DNMT1: variants seen among roughly 807,000 people sequenced by gnomAD.
The protein encoded by DNMT1 is DNA (cytosine-5)-methyltransferase 1.
A neutral mutation model predicts 205.3 loss-of-function variants in DNMT1; 24 were observed. The ratio of observed to expected loss-of-function variants is 0.12; its 90% confidence interval spans 0.08 to 0.16. The LOEUF (loss-of-function observed/expected upper bound fraction) is 0.16, where lower values mean the gene tolerates loss of function less well. Ranked by LOEUF, DNMT1 falls within the 10% of genes least tolerant of loss-of-function variation. DNMT1 has a pLI of 1.00. For missense variants in DNMT1, 1,293 were observed against 2,177.7 expected, an observed-to-expected ratio of 0.59 and a Z score of 8.09; for synonymous variants, 817 against 839.8, an observed-to-expected ratio of 0.97 and a Z score of 0.47.
intron 7 of DNMT1, among the ~76,000 whole-genome samples, chr19:10,174,576 C>T (rs2038893396): frequency 6.6e-6 from 1 of 151,830 alleles, no homozygotes; most frequent in African/African-American, 2.4e-5. Flanking sequence ...TATGATGGCA[C>T]ATGCCTTGTA....
rs113415355 is a variant in DNMT1, at chr19:10,145,225, G to A, written c.2894+1126C>T. On this transcript the variant is annotated intron_variant, in intron 28 of 40. Coordinates refer to ENST00000359526, the MANE Select transcript of DNMT1 (RefSeq NM_001130823.3). ...CACGTTCTCCCCACTAGGCCCCCCA[G>A]GAGTCTGACGGGCCCCAAAGGCGTC... Among the ~76,000 whole-genome samples the A allele has an allele frequency of 6.6e-4, 100 of 152,350 alleles. 1 individual carries two copies. Among genetic ancestry groups the A allele is most frequent in the African/African-American group, 2.3e-3 (96 of 41,576 alleles).
Position 10,133,823 on chromosome 19 carries a change from C to T in DNMT1, c.4865-122G>A, listed in dbSNP as rs1033191294. On this transcript the variant is annotated intron_variant, in intron 40 of 40. Coordinates refer to ENST00000359526, the MANE Select transcript of DNMT1 (RefSeq NM_001130823.3). The surrounding 1 kb of genome is among the most constrained non-coding windows in gnomAD (Gnocchi z 4.1). ...AACGTACTGATGTTAACAGCTGACC[C>T]AATAAGTGGCAGAGTGCTAAGGGAA... The T allele has an allele frequency of 5.6e-6, 6 of 1,077,642 alleles. No individual in the cohort carries two copies. The Admixed American group carries it at 1.2e-4, about 21-fold the overall frequency. 66.8% of individuals were successfully genotyped at this position (1,077,642 alleles called of 1,614,324 possible).
Position 10,146,252 on chromosome 19 carries a change from C to T in DNMT1, c.2894+99G>A, listed in dbSNP as rs528138174. The stretch of plus-strand genomic sequence containing the variant: ...GTGACGGCTAGGACAACAGCTGGTG[C>T]GGAGGGATTGGCAATGTCTGTAAGG... On this transcript the variant is annotated intron_variant, in intron 28 of 40. Coordinates refer to ENST00000359526, the MANE Select transcript of DNMT1 (RefSeq NM_001130823.3). The surrounding 1 kb of genome is among the most constrained non-coding windows in gnomAD (Gnocchi z 4.4). 1.0e-5 allele frequency: 15 copies of T among 1,429,404 alleles called. No homozygotes were observed. Among genetic ancestry groups the T allele is most frequent in the East Asian group, 4.6e-5 (2 of 43,106 alleles). The allele number at this position is 1,429,404 out of a possible 1,614,324, so 88.5% of individuals were successfully genotyped here. A position where few individuals can be genotyped will look rare whatever the true frequency, so the allele number is the denominator to read the frequency against.
chr19:10,142,370 G>C (rs1159744417), intron 29 of DNMT1, 150 bp from the exon 30 acceptor site: 36 of 1,056,972 alleles, frequency 3.4e-5, no homozygotes, highest in South Asian at 1.4e-5. Context: ...CTCAGTTAGG[G>C]AACTGCAGGG....
intron 5 of DNMT1, among the ~76,000 whole-genome samples, chr19:10,179,675 A>C (rs539652221): frequency 2.6e-5 from 4 of 152,068 alleles, no homozygotes; most frequent in Non-Finnish European, 5.9e-5. Flanking sequence ...ATGCTACCAA[A>C]GCCTGCTTCT....
intron 34 of DNMT1, among the ~76,000 whole-genome samples, chr19:10,139,464 C>T (rs1368703588): frequency 6.6e-6 from 1 of 152,272 alleles, no homozygotes; most frequent in Non-Finnish European, 1.5e-5. Context: ...TTCGAGAACA[C>T]AGCTCAAGAG....
chr19:10,159,848 T>A lies in DNMT1; in HGVS notation c.1164A>T (p.Pro388=). 1 of 1,614,198 alleles carries A rather than the reference T, an allele frequency of 6.2e-7. No homozygotes were observed. Among genetic ancestry groups the A allele is most frequent in the African/African-American group, 1.3e-5 (1 of 75,052 alleles). Reference sequence around the variant, plus strand: ...GGAAGAGAGCTGTACGTACCGCGTCTGGTGGGTGCTGCCCATATTTGAGGT... The same window carrying A: ...GGAAGAGAGCTGTACGTACCGCGTCAGGTGGGTGCTGCCCATATTTGAGGT... ...DPDLKYGQHP[P]DAVDEPQMLT... Residue 388 remains proline, a synonymous_variant, in exon 16 of 41, where the codon CCA becomes CCT. Transcript: ENST00000359526. The surrounding 1 kb of genome is among the most constrained non-coding windows in gnomAD (Gnocchi z 5.0).
intron 39 of DNMT1, among the ~76,000 whole-genome samples, chr19:10,135,229 AAGAG>A (rs1377120132): frequency 1.3e-5 from 2 of 150,340 alleles, no homozygotes; most frequent in Non-Finnish European, 3.0e-5. Context: ...AAAAAAAAAA[AAGAG>A]AGAGTGGCTG....
chr19:10,143,689 T>G, intron 29 of DNMT1, 77 bp downstream of exon 29: 1 of 1,534,948 alleles, frequency 6.5e-7, no homozygotes, highest in Non-Finnish European at 9.0e-7. Context: ...CTGTGGGTGC[T>G]ATGCCACAAC....
intron 2 of DNMT1, 152 bp from the exon 3 acceptor site, chr19:10,181,037 T>C (rs2039036470): frequency 1.4e-6 from 1 of 714,096 alleles, no homozygotes; most frequent in Non-Finnish European, 2.5e-6. Context: ...TCATGAAATG[T>C]GTTCAGGGAA....
rs2039379196 is a variant in DNMT1 at position 10,194,939 on chromosome 19, G to A, written c.-40C>T. On this transcript the variant is annotated 5_prime_UTR_variant, in exon 1 of 41. Coordinates refer to ENST00000359526, the MANE Select transcript of DNMT1 (RefSeq NM_001130823.3). ...CAGACGCGGCGGCGGCAGCGCAGGCGCCCCGGCTTTTCGCGCGGAAACCGA... is the reference window on the plus strand; with the variant it reads ...CAGACGCGGCGGCGGCAGCGCAGGCACCCCGGCTTTTCGCGCGGAAACCGA... 2.5e-6 allele frequency: 4 copies of A among 1,579,394 alleles called. No individual in the cohort carries two copies. Among genetic ancestry groups the A allele is most frequent in the Non-Finnish European group, 2.6e-6 (3 of 1,163,876 alleles).
In DNMT1 at chr19:10,137,446, A is replaced by G; in HGVS notation, c.4294-166T>C. 1 of 823,424 alleles carries G rather than the reference A, an allele frequency of 1.2e-6. No homozygotes were observed. Among genetic ancestry groups the G allele is most frequent in the Non-Finnish European group, 1.9e-6 (1 of 525,384 alleles). The allele number at this position is 823,424 out of a possible 1,614,324, so 51.0% of individuals were successfully genotyped here. On this transcript the variant is annotated intron_variant, in intron 36 of 40. Coordinates refer to ENST00000359526, the MANE Select transcript of DNMT1 (RefSeq NM_001130823.3). This position sits in a 1 kb window ranked among gnomAD's most constrained non-coding sequence, Gnocchi z 6.4. ...ATCGCACTTGGCTCGAGGCCACGGC[A>G]GGGACCTGAGGCAGCGCAGGTGTAG...
At chr19:10,135,541 A>C (rs2089460499) in intron 39 of DNMT1, 195 bp downstream of exon 39, 4 of 629,322 alleles carry the variant, frequency 6.4e-6, no homozygotes, top group Non-Finnish European at 1.1e-5. Context: ...GTAAGGAACC[A>C]GCATAGGGAC....
In DNMT1 at chr19:10,139,749, C is replaced by T. The variant is rs748262646; in HGVS notation, c.3875G>A (p.Arg1292His). The T allele has an allele frequency of 5.0e-6, 8 of 1,612,082 alleles. No individual in the cohort carries two copies. The highest frequency in any genetic ancestry group is 1.7e-5 in the Admixed American group (1 of 59,574). The change falls in exon 34 of 41, where the codon CGC (arginine) becomes CAC (histidine). Residue 1292 changes from arginine (R) to histidine (H), a missense_variant. This residue lies in a region of DNMT1 where 38 missense variants were observed against 141.1 expected (regional missense o/e 0.27). Transcript: ENST00000359526. ...ENVRNFVSFKRSMVLKLTLRC... is the reference protein window; with the variant it reads ...ENVRNFVSFKHSMVLKLTLRC... ...GAGGGTGAGCTTCAGGACCATGGAG[C>T]GCTTGAAGGAGACAAAGTTCCTGAC...
rs544017347 is a variant in DNMT1 at position 10,180,636 on chromosome 19, A to T, written c.226-67T>A. 4.2e-5 allele frequency: 65 copies of T among 1,540,310 alleles called. 1 individual carries two copies. The South Asian group carries it at 7.3e-4, about 17-fold the overall frequency. Reference sequence around the variant, plus strand: ...CAAGTGTCAGAGAACAAGGAAACACATGTGTTTCCTTCATCATCATCATCA... The same window carrying T: ...CAAGTGTCAGAGAACAAGGAAACACTTGTGTTTCCTTCATCATCATCATCA... On this transcript the variant is annotated intron_variant, in intron 3 of 40. Transcript: ENST00000359526.
intron 1 of DNMT1, among the ~76,000 whole-genome samples, chr19:10,186,881 A>G (rs1377920196): frequency 6.6e-6 from 1 of 150,386 alleles, no homozygotes; most frequent in African/African-American, 2.4e-5. Context: ...ACAACCACAG[A>G]GGAATAAGGC....
chr19:10,160,306 A>C, intron 14 of DNMT1, 78 bp downstream of exon 14: 15 of 1,601,054 alleles, frequency 9.4e-6, no homozygotes, highest in Non-Finnish European at 1.2e-5. Context: ...CAATTACTGA[A>C]ACCCCTTCCC....
intron 27 of DNMT1, among the ~76,000 whole-genome samples, chr19:10,147,660 C>A (rs1208222797): frequency 6.6e-6 from 1 of 152,006 alleles, no homozygotes; most frequent in East Asian, 1.9e-4. Context: ...AAAGCTAGCA[C>A]GAGACTTATG....
chr19:10,139,286 C>T (rs79772680), intron 34 of DNMT1, among the ~76,000 whole-genome samples: 3,808 of 152,334 alleles, frequency 0.025, 64 homozygotes, highest in Admixed American at 0.039. Flanking sequence ...ACCAATCGAA[C>T]AGCTGCCGCC....
Sources: allele counts gnomAD v4.1 joint callset (sites outside exome capture counted in the v4.1 genomes callset), GRCh38; gene constraint gnomAD v4.1.1; regional missense constraint gnomAD v4.1.1; non-coding constraint Gnocchi (gnomAD v3.1); transcripts MANE v1.5; gene names NCBI Gene and HGNC (gene_info 2026-07-23, HGNC 2026-07-21).